Variants in LSM14A observed in about 807,000 individuals in gnomAD.
LSM14A encodes the protein protein LSM14 homolog A.
A neutral mutation model predicts 52.4 loss-of-function variants in LSM14A; 14 were observed. That is an observed-to-expected ratio of 0.27 (90% CI 0.18 to 0.42). The LOEUF (loss-of-function observed/expected upper bound fraction) is 0.42. Ranked by LOEUF, LSM14A falls within the 10% of genes least tolerant of loss-of-function variation. The probability of loss-of-function intolerance (pLI) is 1.00; values close to 1 mark genes in which losing one functional copy is unlikely to be tolerated. For missense variants in LSM14A, 417 were observed against 581.8 expected, an observed-to-expected ratio of 0.72 and a Z score of 2.91; for synonymous variants, 185 against 200.3, an observed-to-expected ratio of 0.92 and a Z score of 0.64.
At chr19:34,207,712 G>C (rs900246151) in intron 3 of LSM14A, among the ~76,000 whole-genome samples, 3 of 151,954 alleles carry the variant, frequency 2.0e-5, no homozygotes, top group Non-Finnish European at 4.4e-5. Flanking sequence ...TTGAATTTTT[G>C]TAGAGACGAG....
At chr19:34,217,629 T>TG (rs2072746392) in intron 6 of LSM14A, among the ~76,000 whole-genome samples, 1 of 115,914 alleles carries the variant, frequency 8.6e-6, no homozygotes, top group Non-Finnish European at 1.8e-5. Context: ...GTTTTTTTTT[T>TG]TTTTTTTTTT....
chr19:34,228,060 T>A lies in LSM14A; in HGVS notation c.*672T>A, dbSNP rs1213503830. Reference sequence around the variant, plus strand: ...TTTGTATAGCTGTATAAAAAGCAACTAATTTTTTAAAGAATAAACATTTTA... The same window carrying A: ...TTTGTATAGCTGTATAAAAAGCAACAAATTTTTTAAAGAATAAACATTTTA... On this transcript the variant is annotated 3_prime_UTR_variant, in exon 10 of 10. Coordinates refer to ENST00000544216, the MANE Select transcript of LSM14A (RefSeq NM_015578.4). 1 of 152,632 alleles carries A rather than the reference T, an allele frequency of 6.6e-6. No homozygotes were observed. Among genetic ancestry groups the A allele is most frequent in the Non-Finnish European group, 1.5e-5 (1 of 68,046 alleles). The allele number at this position is 152,632 out of a possible 1,614,324, so 9.5% of individuals were successfully genotyped here.
chr19:34,215,449 A>G (rs1430842700), intron 5 of LSM14A, 147 bp from the exon 6 acceptor site: 3 of 1,117,380 alleles, frequency 2.7e-6, no homozygotes, highest in Non-Finnish European at 3.9e-6. Context: ...ATTTGACTCA[A>G]AGTGGTGGTG....
intron 8 of LSM14A, among the ~76,000 whole-genome samples, chr19:34,220,307 G>C (rs2072965061): frequency 6.6e-6 from 1 of 152,100 alleles, no homozygotes; most frequent in African/African-American, 2.4e-5. Context: ...ATATACTAAA[G>C]TTCTAAATTA....
chr19:34,207,636 A>G lies in LSM14A; in HGVS notation c.416-1293A>G, dbSNP rs146529265. Among the ~76,000 whole-genome samples the G allele has an allele frequency of 2.9e-3, 435 of 151,838 alleles. 3 individuals carry two copies. Among genetic ancestry groups the G allele is most frequent in the Middle Eastern group, 6.8e-3 (2 of 294 alleles). On this transcript the variant is annotated intron_variant, in intron 3 of 9. Coordinates refer to ENST00000544216, the MANE Select transcript of LSM14A (RefSeq NM_015578.4). Reference sequence around the variant, plus strand: ...AACCTCCACCTCCCAGGTTCAAGCAATTTTCCTACCTCAGCCTCCTGAGTA... The same window carrying G: ...AACCTCCACCTCCCAGGTTCAAGCAGTTTTCCTACCTCAGCCTCCTGAGTA...
intron 3 of LSM14A, among the ~76,000 whole-genome samples, chr19:34,201,491 T>C (rs1414082801): frequency 6.6e-6 from 1 of 152,144 alleles, no homozygotes; most frequent in East Asian, 1.9e-4. Flanking sequence ...TACAAGCATG[T>C]GCCACCACGC....
At chr19:34,182,665 G>A (rs574007742) in intron 1 of LSM14A, among the ~76,000 whole-genome samples, 32 of 134,628 alleles carry the variant, frequency 2.4e-4, no homozygotes, top group Non-Finnish European at 4.2e-4. Flanking sequence ...GTGAAACCCC[G>A]TCTCTACTAA....
At chr19:34,185,512 G>A (rs750283199) in intron 1 of LSM14A, among the ~76,000 whole-genome samples, 4 of 152,186 alleles carry the variant, frequency 2.6e-5, no homozygotes, top group Non-Finnish European at 1.5e-5. Context: ...AGCAGGCCGT[G>A]ATGTGGTTCC....
chr19:34,220,470 G>A (rs1282443494), intron 8 of LSM14A, among the ~76,000 whole-genome samples: 2 of 152,136 alleles, frequency 1.3e-5, no homozygotes, highest in Admixed American at 1.3e-4. Flanking sequence ...GAACCGAAGT[G>A]CTAATCTACT....
Position 34,212,249 on chromosome 19 carries a change from C to T in LSM14A, c.539-2875C>T, listed in dbSNP as rs540639704. 5.9e-5 allele frequency among the ~76,000 whole-genome samples: 9 copies of T among 152,240 alleles called. No homozygotes were observed. In the East Asian group the frequency reaches 1.4e-3, roughly 23 times the overall value. ...CTGAAGCTAGAGGATTGCTTGAGCC[C>T]AGGAGGTTAAGGTGGCAGCAAGCTG... On this transcript the variant is annotated intron_variant, in intron 4 of 9. Transcript: ENST00000544216.
intron 3 of LSM14A, among the ~76,000 whole-genome samples, chr19:34,202,914 C>A (rs1466405068): frequency 6.6e-6 from 1 of 152,200 alleles, no homozygotes; most frequent in African/African-American, 2.4e-5. Context: ...GCCTCGGCCT[C>A]CCAAAGTGCT....
At chr19:34,209,178 T>A in intron 4 of LSM14A, 127 bp downstream of exon 4, 1 of 731,858 alleles carries the variant, frequency 1.4e-6, no homozygotes. Flanking sequence ...TTTTAAAATT[T>A]TTCTCCAAAT....
intron 1 of LSM14A, among the ~76,000 whole-genome samples, chr19:34,192,312 TTTTGTTG>T (rs1461379365): frequency 2.3e-5 from 2 of 87,836 alleles, no homozygotes; most frequent in African/African-American, 4.9e-5. Context: ...ATAACATTCT[TTTTGTTG>T]TTTTTTTTTT....
At chr19:34,182,949 T>G (rs2145531876) in intron 1 of LSM14A, among the ~76,000 whole-genome samples, 1 of 151,078 alleles carries the variant, frequency 6.6e-6, no homozygotes, top group East Asian at 2.0e-4. Flanking sequence ...TCTAGCTCCA[T>G]CTCAGATAAT....
chr19:34,207,823 C>G (rs925669447), intron 3 of LSM14A, among the ~76,000 whole-genome samples: 1 of 152,084 alleles, frequency 6.6e-6, no homozygotes, highest in African/African-American at 2.4e-5. Context: ...GCCACTGCGC[C>G]CGGCCCTAAA....
intron 9 of LSM14A, among the ~76,000 whole-genome samples, chr19:34,225,484 G>T (rs535112271): frequency 4.6e-5 from 7 of 152,166 alleles, no homozygotes; most frequent in Non-Finnish European, 1.0e-4. Flanking sequence ...CAGCCTTCAT[G>T]AAATGAGTTG....
intron 9 of LSM14A, 98 bp downstream of exon 9, chr19:34,221,836 G>A (rs2073086866): frequency 2.7e-6 from 4 of 1,471,616 alleles, no homozygotes; most frequent in Non-Finnish European, 3.6e-6. Flanking sequence ...TTGTTTTGAG[G>A]ACATTAGAAT....
chr19:34,211,957 A>G lies in LSM14A; in HGVS notation c.538+2906A>G, dbSNP rs1852787769. ...CTGGACATATTTGAAAAATAAAAGT[A>G]ATGGGTTTACTGACATGATAATAAA... On this transcript the variant is annotated intron_variant, in intron 4 of 9. Transcript: ENST00000544216. Among the ~76,000 whole-genome samples, 4 of 152,330 alleles carry G rather than the reference A, an allele frequency of 2.6e-5. No individual in the cohort carries two copies. In the South Asian group the frequency reaches 8.3e-4, roughly 32 times the overall value.
intron 3 of LSM14A, among the ~76,000 whole-genome samples, chr19:34,204,842 G>T (rs1354539159): frequency 6.6e-6 from 1 of 152,074 alleles, no homozygotes; most frequent in African/African-American, 2.4e-5. Flanking sequence ...TAGAAAACAA[G>T]AATTTTCGGC....
Sources: allele counts gnomAD v4.1 joint callset (sites outside exome capture counted in the v4.1 genomes callset), GRCh38; gene constraint gnomAD v4.1.1; transcripts MANE v1.5; gene names NCBI Gene and HGNC (gene_info 2026-07-23, HGNC 2026-07-21).